The following GON4L variants were observed in gnomAD, a reference collection of about 807,000 sequenced individuals.
GON4L encodes the protein gon-4 like.
GON4L carries 87 observed loss-of-function variants against 211.8 expected under a neutral mutation model. The observed-to-expected ratio is 0.41, with a 90% CI of 0.35 to 0.49. GON4L has a LOEUF of 0.49. GON4L is among the 20% of genes least tolerant of loss of function. The pLI, the probability that GON4L is intolerant of heterozygous loss-of-function variation, is 0.15. For synonymous variants in GON4L, 875 were observed against 962.6 expected, an observed-to-expected ratio of 0.91 and a Z score of 1.68; for missense variants, 2,155 against 2,659.5, an observed-to-expected ratio of 0.81 and a Z score of 4.17.
chr1:155,824,808 T>C (rs1481477011), intron 3 of GON4L, among the ~76,000 whole-genome samples: 6 of 131,640 alleles, frequency 4.6e-5, no homozygotes, highest in Non-Finnish European at 8.2e-5. Context: ...TGGGTAACAA[T>C]GGGCACAAGG....
chr1:155,745,888 G>C (rs768260990), downstream of GON4L: 33 of 988,736 alleles, frequency 3.3e-5, no homozygotes, highest in Non-Finnish European at 4.4e-5. Flanking sequence ...CCGGTTTCGT[G>C]GGCGCGCACT....
At chr1:155,802,704 T>C (rs754232311) in intron 11 of GON4L, among the ~76,000 whole-genome samples, 17 of 152,188 alleles carry the variant, frequency 1.1e-4, no homozygotes, top group Non-Finnish European at 2.2e-4. Context: ...TCCTGTAATC[T>C]CAGCACTTTG....
chr1:155,851,719 A>AT (rs1356321809), intron 2 of GON4L, among the ~76,000 whole-genome samples: 5 of 151,786 alleles, frequency 3.3e-5, no homozygotes, highest in Non-Finnish European at 7.4e-5. Context: ...CCGTATCAAA[A>AT]AAAAAATGAA....
rs748045922 is a variant in GON4L at position 155,853,688 on chromosome 1, G to A, written c.93C>T (p.Ala31=). The A allele has an allele frequency of 3.8e-5, 62 of 1,613,212 alleles. No individual in the cohort carries two copies. Among genetic ancestry groups the A allele is most frequent in the Middle Eastern group, 3.3e-4 (2 of 6,082 alleles). The part of the protein sequence containing the change: ...QEENNVDLES[A]VKPESDQVKD... Reference sequence around the variant, plus strand: ...TAACCTGGTCAGATTCTGGTTTAACGGCTGATTCTAGGTCTACGTTGTTTT... The same window carrying A: ...TAACCTGGTCAGATTCTGGTTTAACAGCTGATTCTAGGTCTACGTTGTTTT... Residue 31 remains alanine, a synonymous_variant, in exon 2 of 32, where the codon GCC becomes GCT. Transcript: ENST00000368331.
intron 14 of GON4L, 68 bp downstream of exon 14, chr1:155,783,918 C>T: frequency 4.4e-6 from 7 of 1,600,876 alleles, no homozygotes; most frequent in Non-Finnish European, 5.1e-6. Context: ...TCAATTGCAA[C>T]TTCTGAAAAC....
rs769813105 is a variant in GON4L at position 155,752,523 on chromosome 1, C to T, written c.5910G>A (p.Leu1970=). 3 of 1,598,044 alleles carry T rather than the reference C, an allele frequency of 1.9e-6. No homozygotes were observed. In the South Asian group the frequency reaches 3.4e-5, roughly 18 times the overall value. Reference sequence around the variant, plus strand: ...CTGGTGAATGAGGTGGTGGGCCATCCAGGAGGAGCCGTTCTGTAACAGTCA... The same window carrying T: ...CTGGTGAATGAGGTGGTGGGCCATCTAGGAGGAGCCGTTCTGTAACAGTCA... ...REVTVTERLL[L]DGPPPHSPET... is the part of the protein sequence containing the mutation. Residue 1970 remains leucine (L), a synonymous_variant, in exon 30 of 32, where the codon CTG becomes CTA. Coordinates refer to ENST00000368331, the MANE Select transcript of GON4L (RefSeq NM_001282860.2).
At chr1:155,793,126 C>T (rs1665765755) in intron 12 of GON4L, among the ~76,000 whole-genome samples, 2 of 152,062 alleles carry the variant, frequency 1.3e-5, no homozygotes, top group Admixed American at 6.6e-5. Flanking sequence ...TTTTCTTGTA[C>T]CTTCCTAGAT....
Position 155,820,751 on chromosome 1 carries a change from T to C in GON4L, c.964-95A>G. On this transcript the variant is annotated intron_variant, in intron 5 of 31. Transcript: ENST00000368331. ...AATCCTAGCACTTTAGGGGCCAAGGTGGGAGGATGGCTTGAGGCAAGGAGT... is the reference window on the plus strand; with the variant it reads ...AATCCTAGCACTTTAGGGGCCAAGGCGGGAGGATGGCTTGAGGCAAGGAGT... The C allele has an allele frequency of 3.4e-6, 3 of 887,070 alleles. No homozygotes were observed. In the South Asian group the frequency reaches 4.0e-5, roughly 12 times the overall value. 54.9% of individuals were successfully genotyped at this position (887,070 alleles called of 1,614,324 possible). A position where few individuals can be genotyped will look rare whatever the true frequency, so the allele number is the denominator to read the frequency against.
intron 11 of GON4L, among the ~76,000 whole-genome samples, chr1:155,799,965 C>T (rs1666469700): frequency 6.6e-6 from 1 of 152,154 alleles, no homozygotes; most frequent in Admixed American, 6.6e-5. Context: ...CTTTGGGAGG[C>T]CGAGGAGGGC....
intron 20 of GON4L, chr1:155,767,142 GTC>G (rs1662598730): frequency 4.2e-6 from 3 of 718,596 alleles, no homozygotes; most frequent in Non-Finnish European, 6.8e-6. Context: ...TCCAAGAAGG[GTC>G]TCTCTGCATA....
chr1:155,762,838 C>A (rs1197401274), intron 22 of GON4L, among the ~76,000 whole-genome samples: 1 of 152,034 alleles, frequency 6.6e-6, no homozygotes, highest in Non-Finnish European at 1.5e-5. Context: ...GAGTTCGATA[C>A]CAGCCTGACC....
intron 31 of GON4L, among the ~76,000 whole-genome samples, chr1:155,751,205 A>G (rs755659689): frequency 1.3e-5 from 2 of 152,220 alleles, no homozygotes; most frequent in Non-Finnish European, 2.9e-5. Flanking sequence ...TGTTTTGCCC[A>G]AAGTCACACA....
At chr1:155,787,441 C>T (rs989303460) in intron 12 of GON4L, among the ~76,000 whole-genome samples, 1 of 152,070 alleles carries the variant, frequency 6.6e-6, no homozygotes, top group Non-Finnish European at 1.5e-5. Context: ...GGACTGTGAA[C>T]AATTCTATAA....
At chr1:155,802,446 T>C (rs1170324267) in intron 11 of GON4L, among the ~76,000 whole-genome samples, 1 of 152,190 alleles carries the variant, frequency 6.6e-6, no homozygotes, top group African/African-American at 2.4e-5. Flanking sequence ...GAATCCAGCA[T>C]ATAGAGTATA....
At chr1:155,838,191 C>T (rs1240230924) in intron 2 of GON4L, among the ~76,000 whole-genome samples, 9 of 152,140 alleles carry the variant, frequency 5.9e-5, no homozygotes, top group South Asian at 4.1e-4. Context: ...CCCCAAGAGG[C>T]GGAAGCTGCA....
chr1:155,779,144 C>T (rs1664140186), intron 14 of GON4L, among the ~76,000 whole-genome samples: 1 of 150,058 alleles, frequency 6.7e-6, no homozygotes, highest in Non-Finnish European at 1.5e-5. Flanking sequence ...GTCCCAGCTA[C>T]TCAGGAGGCT....
At chr1:155,828,930 G>A (rs190052451) in intron 2 of GON4L, among the ~76,000 whole-genome samples, 1 of 152,196 alleles carries the variant, frequency 6.6e-6, no homozygotes, top group African/African-American at 2.4e-5. Context: ...CCTGGGAAGA[G>A]GACTTGGGGA....
intron 21 of GON4L, chr1:155,764,424 CTATTTTTTTTTTTTTTTTTT>C (rs1662200477): frequency 7.9e-6 from 1 of 127,148 alleles, no homozygotes; most frequent in Non-Finnish European, 1.5e-5. Flanking sequence ...CAGTTATTTA[CTATTTTTTTTTTTTTTTTTT>C]TTTTTTTTTT....
chr1:155,775,612 C>T (rs534642307), intron 16 of GON4L, among the ~76,000 whole-genome samples: 11 of 151,858 alleles, frequency 7.2e-5, no homozygotes, highest in Non-Finnish European at 4.4e-5. Context: ...GCGCCCGCTA[C>T]CACGCCCGGC....
Sources: allele counts gnomAD v4.1 joint callset (sites outside exome capture counted in the v4.1 genomes callset), GRCh38; gene constraint gnomAD v4.1.1; transcripts MANE v1.5; gene names NCBI Gene and HGNC (gene_info 2026-07-23, HGNC 2026-07-21).